Variants in THSD7B observed in about 807,000 individuals in gnomAD.
The protein encoded by THSD7B is thrombospondin type-1 domain-containing protein 7B.
In THSD7B, 138 loss-of-function variants were observed where a neutral mutation model predicts 213.6. The ratio of observed to expected loss-of-function variants is 0.65; its 90% CI spans 0.56 to 0.74. The LOEUF (loss-of-function observed/expected upper bound fraction) is 0.74, where lower values mean the gene tolerates loss of function less well. Among genes scored for constraint, THSD7B ranks in the 30% least tolerant of loss-of-function variants. THSD7B has a pLI of 0.00. For synonymous variants in THSD7B, 742 were observed against 687.0 expected, an observed-to-expected ratio of 1.08 and a Z score of -1.25; for missense variants, 1,931 against 1,991.5, an observed-to-expected ratio of 0.97 and a Z score of 0.58.
intron 12 of THSD7B, among the ~76,000 whole-genome samples, chr2:137,313,939 A>G (rs1159008221): frequency 6.6e-6 from 1 of 151,428 alleles, no homozygotes; most frequent in Non-Finnish European, 1.5e-5. Flanking sequence ...TGCCCTTAAC[A>G]TTTTTTGCTT....
At chr2:137,620,290 T>A (rs1432440346) in intron 19 of THSD7B, among the ~76,000 whole-genome samples, 1 of 152,192 alleles carries the variant, frequency 6.6e-6, no homozygotes, top group African/African-American at 2.4e-5. Flanking sequence ...GAAGTTGGCG[T>A]TGAAGTGTCT....
At chr2:137,091,561 C>T (rs753104057) in intron 3 of THSD7B, among the ~76,000 whole-genome samples, 32 of 151,066 alleles carry the variant, frequency 2.1e-4, no homozygotes, top group African/African-American at 7.8e-4. Context: ...TTCTGGAGGC[C>T]GTATATCCAA....
intron 15 of THSD7B, among the ~76,000 whole-genome samples, chr2:137,558,385 C>T (rs1271899480): frequency 6.6e-6 from 1 of 152,118 alleles, no homozygotes; most frequent in East Asian, 1.9e-4. Flanking sequence ...GGGCTTCATC[C>T]CTGGGATGCA....
chr2:137,547,758 A>G (rs1680769694), intron 15 of THSD7B, among the ~76,000 whole-genome samples: 1 of 151,866 alleles, frequency 6.6e-6, no homozygotes, highest in African/African-American at 2.4e-5. Context: ...GTCCTCTTTC[A>G]CTTCCTGATA....
At chr2:137,188,760 A>G (rs1376891791) in intron 7 of THSD7B, among the ~76,000 whole-genome samples, 1 of 152,180 alleles carries the variant, frequency 6.6e-6, no homozygotes, top group Non-Finnish European at 1.5e-5. Context: ...TGCAGTCCTT[A>G]GGAGCAGCAT....
At chr2:137,181,015 GAA>G (rs1190520219) in intron 7 of THSD7B, among the ~76,000 whole-genome samples, 3 of 152,102 alleles carry the variant, frequency 2.0e-5, no homozygotes, top group Admixed American at 1.3e-4. Flanking sequence ...CCTGTACAAC[GAA>G]AACATAAAGC....
At chr2:137,086,436 G>A (rs781174865) in intron 3 of THSD7B, among the ~76,000 whole-genome samples, 6 of 151,912 alleles carry the variant, frequency 3.9e-5, no homozygotes, top group Non-Finnish European at 8.8e-5. Context: ...TTCCTAACTC[G>A]TATCCCTCCA....
chr2:137,298,638 T>C (rs62171147), intron 12 of THSD7B, among the ~76,000 whole-genome samples: 1 of 152,226 alleles, frequency 6.6e-6, no homozygotes, highest in African/African-American at 2.4e-5. Flanking sequence ...GTGTGCAGCT[T>C]AGGGACTTAG....
intron 15 of THSD7B, among the ~76,000 whole-genome samples, chr2:137,472,528 C>T (rs955001904): frequency 1.1e-4 from 17 of 152,138 alleles, no homozygotes; most frequent in African/African-American, 3.9e-4. Flanking sequence ...TACAATTTTG[C>T]AAACGTCTTT....
chr2:136,929,257 C>T (rs1684591045), intron 2 of THSD7B, among the ~76,000 whole-genome samples: 1 of 152,134 alleles, frequency 6.6e-6, no homozygotes, highest in Admixed American at 6.5e-5. Context: ...TTAATCATTT[C>T]AGTTTGTAAA....
intron 17 of THSD7B, among the ~76,000 whole-genome samples, chr2:137,605,569 C>G (rs987312107): frequency 6.7e-6 from 1 of 149,608 alleles, no homozygotes; most frequent in Non-Finnish European, 1.5e-5. Flanking sequence ...CAGGAAATTC[C>G]AGATCAATCT....
At chr2:137,449,737 T>C (rs1303142378) in intron 14 of THSD7B, among the ~76,000 whole-genome samples, 1 of 151,794 alleles carries the variant, frequency 6.6e-6, no homozygotes, top group East Asian at 1.9e-4. Context: ...AGCAGGAGAA[T>C]CTCTCTCTCT....
chr2:137,091,466 C>T (rs763936798), intron 3 of THSD7B, among the ~76,000 whole-genome samples: 1 of 151,724 alleles, frequency 6.6e-6, no homozygotes, highest in Non-Finnish European at 1.5e-5. Context: ...AGAAGTTCCA[C>T]AAACTTGCTG....
intron 2 of THSD7B, among the ~76,000 whole-genome samples, chr2:137,003,634 G>A (rs569315493): frequency 6.6e-6 from 1 of 152,140 alleles, no homozygotes; most frequent in East Asian, 1.9e-4. Context: ...CTTCCATTTG[G>A]GTCTCTTTAC....
At chr2:137,076,658 A>G (rs1261890404) in intron 3 of THSD7B, among the ~76,000 whole-genome samples, 1 of 152,180 alleles carries the variant, frequency 6.6e-6, no homozygotes, top group Non-Finnish European at 1.5e-5. Context: ...GGAAATGCAG[A>G]AATCACCCAT....
chr2:137,335,947 T>C (rs1266862941), intron 12 of THSD7B, among the ~76,000 whole-genome samples: 2 of 152,160 alleles, frequency 1.3e-5, no homozygotes, highest in Non-Finnish European at 2.9e-5. Flanking sequence ...TTTCTTAATT[T>C]TCTTGGGTAT....
chr2:137,182,094 T>C (rs1215260965), intron 7 of THSD7B, among the ~76,000 whole-genome samples: 1 of 152,102 alleles, frequency 6.6e-6, no homozygotes, highest in African/African-American at 2.4e-5. Context: ...TATTTGTAAA[T>C]AGGGTTTCTT....
At chr2:136,983,442 G>A (rs1685621933) in intron 2 of THSD7B, among the ~76,000 whole-genome samples, 1 of 150,642 alleles carries the variant, frequency 6.6e-6, no homozygotes, top group Non-Finnish European at 1.5e-5. Flanking sequence ...AACTCCCTTT[G>A]GAGGTCTTCA....
intron 2 of THSD7B, among the ~76,000 whole-genome samples, chr2:137,031,839 T>A (rs1045519731): frequency 6.6e-6 from 1 of 151,404 alleles, no homozygotes; most frequent in Non-Finnish European, 1.5e-5. Flanking sequence ...TCCTTTTTTT[T>A]TTTTTTTTAG....
Sources: allele counts gnomAD v4.1 joint callset (sites outside exome capture counted in the v4.1 genomes callset), GRCh38; gene constraint gnomAD v4.1.1; transcripts MANE v1.5; gene names NCBI Gene and HGNC (gene_info 2026-07-23, HGNC 2026-07-21).